Variants in GRK5 observed in about 807,000 individuals in gnomAD.
The protein encoded by GRK5 is G protein-coupled receptor kinase 5.
GRK5 carries 40 observed loss-of-function variants against 78.4 expected under a neutral mutation model. The observed-to-expected ratio is 0.51, with a 90% CI of 0.40 to 0.66. GRK5 has a LOEUF of 0.66. Among genes scored for constraint, GRK5 ranks in the 30% least tolerant of loss-of-function variants. GRK5 has a pLI of 0.00. For synonymous variants in GRK5, 289 were observed against 296.8 expected, an observed-to-expected ratio of 0.97 and a Z score of 0.27; for missense variants, 598 against 759.9, an observed-to-expected ratio of 0.79 and a Z score of 2.50.
intron 2 of GRK5, among the ~76,000 whole-genome samples, chr10:119,344,659 T>C (rs1468143780): frequency 2.0e-5 from 3 of 152,198 alleles, no homozygotes; most frequent in Non-Finnish European, 4.4e-5. Flanking sequence ...TGGGCATGAA[T>C]GTCACACTGG....
chr10:119,291,747 TTCATCCTCTTCC>T (rs879212694), intron 1 of GRK5, among the ~76,000 whole-genome samples: 1 of 141,492 alleles, frequency 7.1e-6, no homozygotes, highest in South Asian at 2.4e-4. Flanking sequence ...CTTCTTCCTC[TTCATCCTCTTCC>T]TCATCCTCCT....
chr10:119,415,835 T>C (rs1305678439), intron 4 of GRK5, among the ~76,000 whole-genome samples: 1 of 152,182 alleles, frequency 6.6e-6, no homozygotes, highest in Non-Finnish European at 1.5e-5. Flanking sequence ...GGCCAGCAAG[T>C]GACTTGCAGG....
At chr10:119,444,655 C>T (rs550035849) in intron 12 of GRK5, among the ~76,000 whole-genome samples, 1 of 152,126 alleles carries the variant, frequency 6.6e-6, no homozygotes, top group Non-Finnish European at 1.5e-5. Context: ...GGGGCCGGAG[C>T]ACCCAGCTCC....
chr10:119,218,387 C>T (rs1328374448), intron 1 of GRK5, among the ~76,000 whole-genome samples: 2 of 152,164 alleles, frequency 1.3e-5, no homozygotes, highest in African/African-American at 2.4e-5. Flanking sequence ...TGTAATTGCT[C>T]TGCAAGTCTG....
chr10:119,309,688 T>C lies in GRK5; in HGVS notation c.53-16828T>C, dbSNP rs190559711. On this transcript the variant is annotated intron_variant, in intron 1 of 15. Coordinates refer to ENST00000392870, the MANE Select transcript of GRK5 (RefSeq NM_005308.3). ...CACAGAGCTATGGACAGAGACCAGA[T>C]GTGAACCCTCATCTCTGTGTTGGAA... 5.9e-5 allele frequency among the ~76,000 whole-genome samples: 9 copies of C among 152,298 alleles called. No homozygotes were observed. The East Asian group carries it at 1.7e-3, about 29-fold the overall frequency.
chr10:119,350,937 C>T (rs1477247697), intron 2 of GRK5, among the ~76,000 whole-genome samples: 1 of 152,128 alleles, frequency 6.6e-6, no homozygotes, highest in African/African-American at 2.4e-5. Flanking sequence ...GAATGTTTGC[C>T]CACCCATTAG....
At chr10:119,216,431 T>A (rs1848575379) in intron 1 of GRK5, among the ~76,000 whole-genome samples, 1 of 152,228 alleles carries the variant, frequency 6.6e-6, no homozygotes, top group Admixed American at 6.5e-5. Flanking sequence ...TCCCTGAGCC[T>A]TCTCAGCTGA....
Position 119,430,361 on chromosome 10 carries a change from C to T in GRK5, c.534-14C>T, listed in dbSNP as rs1852790847. ...GGCACCATGAGACCAGTGTGGGATT[C>T]TTCTTTCTTCCAGGCAACCGGTGAC... On this transcript the variant is annotated splice_polypyrimidine_tract_variant and intron_variant, in intron 6 of 15. Transcript: ENST00000392870. The surrounding 1 kb of genome is among the most constrained non-coding windows in gnomAD (Gnocchi z 4.5). The T allele has an allele frequency of 1.9e-6, 3 of 1,612,806 alleles. No homozygotes were observed. The African/African-American group carries it at 4.0e-5, about 22-fold the overall frequency.
intron 1 of GRK5, chr10:119,208,691 C>T (rs1848430325): frequency 1.3e-5 from 2 of 152,050 alleles, no homozygotes; most frequent in East Asian, 3.8e-4. Flanking sequence ...CTATGCAAAT[C>T]ATTAGATTTC....
At chr10:119,371,430 AAG>A (rs1441142189) in intron 2 of GRK5, among the ~76,000 whole-genome samples, 1 of 152,266 alleles carries the variant, frequency 6.6e-6, no homozygotes, top group Non-Finnish European at 1.5e-5. Context: ...GTCACTCGAA[AAG>A]AATGAAAACA....
At chr10:119,346,569 C>T (rs10082517) in intron 2 of GRK5, among the ~76,000 whole-genome samples, 71,248 of 152,068 alleles carry the variant, frequency 0.47, 17,547 homozygotes, top group Middle Eastern at 0.57. Flanking sequence ...CCGTCAGTGC[C>T]GGCTGCTCTG....
intron 4 of GRK5, among the ~76,000 whole-genome samples, chr10:119,403,750 C>T (rs2133862138): frequency 6.6e-6 from 1 of 152,264 alleles, no homozygotes; most frequent in Middle Eastern, 3.4e-3. Flanking sequence ...CCTCCTGCCA[C>T]CGCCTCCCAA....
rs994364768 is a variant in GRK5, at chr10:119,412,616, G to A, written c.340-10550G>A. On this transcript the variant is annotated intron_variant, in intron 4 of 15. Transcript: ENST00000392870. This position sits in a 1 kb window ranked among gnomAD's most constrained non-coding sequence, Gnocchi z 4.3. The stretch of plus-strand genomic sequence containing the variant: ...ACAGAGAAAGGAACCACTCCAGACG[G>A]ACGTGAGGGTGTGTGGCAGTGGCTT... 2.0e-5 allele frequency among the ~76,000 whole-genome samples: 3 copies of A among 152,224 alleles called. No homozygotes were observed. The East Asian group carries it at 5.8e-4, about 29-fold the overall frequency.
At chr10:119,424,859 C>T (rs1852640978) in intron 5 of GRK5, 134 bp from the exon 6 acceptor site, 1 of 675,946 alleles carries the variant, frequency 1.5e-6, no homozygotes, top group Non-Finnish European at 2.7e-6. Context: ...GGCAGGACCT[C>T]TGGCCAGACG....
At position 119,217,829 on chromosome 10, in the gene GRK5, C is replaced by T. The variant is rs1001613995; in HGVS notation, c.52+9860C>T. On this transcript the variant is annotated intron_variant, in intron 1 of 15. Coordinates refer to ENST00000392870, the MANE Select transcript of GRK5 (RefSeq NM_005308.3). The surrounding 1 kb of genome is among the most constrained non-coding windows in gnomAD (Gnocchi z 4.1). ...GGTTCTCGCCCTCAGTTACCTCTGC[C>T]TGACAGTGGTACCTTATGTGCAGGC... 6.6e-6 allele frequency among the ~76,000 whole-genome samples: 1 copy of T among 152,222 alleles called. No individual in the cohort carries two copies. Among genetic ancestry groups the T allele is most frequent in the Non-Finnish European group, 1.5e-5 (1 of 68,038 alleles).
intron 1 of GRK5, among the ~76,000 whole-genome samples, chr10:119,259,858 C>G (rs1849344234): frequency 6.6e-6 from 1 of 152,186 alleles, no homozygotes; most frequent in Non-Finnish European, 1.5e-5. Flanking sequence ...GACAGCATAG[C>G]TCTAGAACAT....
At chr10:119,317,425 T>C (rs1105981) in intron 1 of GRK5, among the ~76,000 whole-genome samples, 104,635 of 150,894 alleles carry the variant, frequency 0.69, 37,860 homozygotes, top group Non-Finnish European at 0.79. Flanking sequence ...TCTGCCCAAC[T>C]TCACAGGGAG....
intron 2 of GRK5, among the ~76,000 whole-genome samples, chr10:119,329,325 C>T (rs568265291): frequency 2.2e-4 from 33 of 152,220 alleles, no homozygotes; most frequent in African/African-American, 7.7e-4. Flanking sequence ...TAAGGACAGT[C>T]AAAAACCCTG....
At chr10:119,246,250 A>G (rs966191508) in intron 1 of GRK5, among the ~76,000 whole-genome samples, 2 of 152,058 alleles carry the variant, frequency 1.3e-5, no homozygotes, top group Non-Finnish European at 2.9e-5. Context: ...CCAAACTCTA[A>G]TCTCTGGATT....
Sources: gnomAD v4.1 joint callset for allele counts (sites outside exome capture counted in the v4.1 genomes callset) on GRCh38, gnomAD v4.1.1 for gene constraint, Gnocchi (gnomAD v3.1) non-coding constraint, MANE v1.5 for transcripts, NCBI Gene and HGNC (gene_info 2026-07-23, HGNC 2026-07-21) for gene names.